The following JAKMIP1 variants were observed in gnomAD, a reference collection of about 807,000 sequenced individuals.
JAKMIP1 encodes the protein janus kinase and microtubule interacting protein 1, also known as janus kinase and microtubule-interacting protein 1.
In JAKMIP1, 33 loss-of-function variants were observed where a neutral mutation model predicts 113.0. The ratio of observed to expected loss-of-function variants is 0.29; its 90% CI spans 0.22 to 0.39. The LOEUF is 0.39. Among genes scored for constraint, JAKMIP1 ranks in the 10% least tolerant of loss-of-function variants. The pLI is 1.00. For missense variants in JAKMIP1, 813 were observed against 1,080.5 expected (o/e 0.75, Z 3.47); for synonymous variants, 480 against 459.9 (o/e 1.04, Z -0.56).
chr4:6,101,125 G>A (rs980967788), intron 3 of JAKMIP1, among the ~76,000 whole-genome samples: 10 of 152,072 alleles, frequency 6.6e-5, no homozygotes, highest in African/African-American at 2.4e-4. Flanking sequence ...TATTTACCAT[G>A]TCCCAAGATC....
In JAKMIP1 at chr4:6,097,577, G is replaced by A. The variant is rs1578221612; in HGVS notation, c.624+7896C>T. On this transcript the variant is annotated intron_variant, in intron 3 of 20. Transcript: ENST00000409021. The surrounding 1 kb of genome is among the most constrained non-coding windows in gnomAD (Gnocchi z 4.3). ...ATTTTCCACTTGTGACTTCATGTTGGCACTCACAGAGTTTCAGATTTTGGA... is the reference window on the plus strand; with the variant it reads ...ATTTTCCACTTGTGACTTCATGTTGACACTCACAGAGTTTCAGATTTTGGA... 6.6e-6 allele frequency among the ~76,000 whole-genome samples: 1 copy of A among 152,296 alleles called. No homozygotes were observed. The highest frequency in any genetic ancestry group is 2.4e-5 in the African/African-American group (1 of 41,556).
At chr4:6,098,324 C>T (rs10022827) in intron 3 of JAKMIP1, among the ~76,000 whole-genome samples, 141,376 of 151,938 alleles carry the variant, frequency 0.93, 66,539 homozygotes, top group East Asian at 1. Flanking sequence ...TCCCAGCTAC[C>T]CGGGAGGCTG....
chr4:6,105,571 C>T lies in JAKMIP1; in HGVS notation c.526G>A (p.Asp176Asn). Residue 176 changes from aspartate to asparagine, a missense_variant, in exon 3 of 21, where the codon GAC becomes AAC. Around this residue, in one of 2 missense-constraint regions of JAKMIP1, gnomAD observed 540 missense variants for 653.9 expected, o/e 0.83. Transcript: ENST00000409021. ...EEALSNCMQADKTKAADLRAA... is the reference protein window; with the variant it reads ...EEALSNCMQANKTKAADLRAA... ...CGCAGGTCGGCTGCCTTGGTCTTGTCAGCCTGCATGCAGTTACTGAGCGCC... is the reference window on the plus strand; with the variant it reads ...CGCAGGTCGGCTGCCTTGGTCTTGTTAGCCTGCATGCAGTTACTGAGCGCC... 1 of 1,601,376 alleles carries T rather than the reference C, an allele frequency of 6.2e-7. No homozygotes were observed. Among genetic ancestry groups the T allele is most frequent in the Non-Finnish European group, 8.5e-7 (1 of 1,174,168 alleles).
In JAKMIP1 at chr4:6,067,505, C is replaced by T. The variant is rs190938720; in HGVS notation, c.1303-2497G>A. 3.2e-4 allele frequency among the ~76,000 whole-genome samples: 48 copies of T among 152,286 alleles called. No homozygotes were observed. The highest frequency in any genetic ancestry group is 1.0e-3 in the African/African-American group (43 of 41,538). Reference sequence around the variant, plus strand: ...CCGACTTCAGGCATCATGGACTCTTCCAACCAGCTCTAGAGAGCAGTGGTA... The same window carrying T: ...CCGACTTCAGGCATCATGGACTCTTTCAACCAGCTCTAGAGAGCAGTGGTA... On this transcript the variant is annotated intron_variant, in intron 8 of 20. Coordinates refer to ENST00000409021, the MANE Select transcript of JAKMIP1 (RefSeq NM_001099433.2). This position sits in a 1 kb window ranked among gnomAD's most constrained non-coding sequence, Gnocchi z 4.6.
chr4:6,190,936 C>T (rs911739864), intron 1 of JAKMIP1, among the ~76,000 whole-genome samples: 12 of 152,328 alleles, frequency 7.9e-5, no homozygotes, highest in South Asian at 2.1e-4. Context: ...AGAGCACAGG[C>T]GGCCTGCACC....
chr4:6,041,971 A>T (rs1714368966), intron 17 of JAKMIP1, among the ~76,000 whole-genome samples, 188 bp downstream of exon 17: 1 of 152,190 alleles, frequency 6.6e-6, no homozygotes, highest in Admixed American at 6.5e-5. Context: ...TATGTATTCG[A>T]TGAGTAATTG....
Position 6,129,314 on chromosome 4 carries a change from C to A in JAKMIP1, c.-147-16317G>T, listed in dbSNP as rs1718186548. On this transcript the variant is annotated intron_variant, in intron 1 of 20. Coordinates refer to ENST00000409021, the MANE Select transcript of JAKMIP1 (RefSeq NM_001099433.2). The surrounding 1 kb of genome is among the most constrained non-coding windows in gnomAD (Gnocchi z 5.4). ...GGTCAGATGCTGGGCGTGGCCCCAC[C>A]CCATGCCAGCCAGGAACCATTGATA... Among the ~76,000 whole-genome samples, 1 of 152,194 alleles carries A rather than the reference C, an allele frequency of 6.6e-6. No homozygotes were observed. The highest frequency in any genetic ancestry group is 2.4e-5 in the African/African-American group (1 of 41,432).
At chr4:6,113,238 CTCCCAGGTGACCACACCTGGAATAGCT>C (rs1487419587) in intron 1 of JAKMIP1, among the ~76,000 whole-genome samples, 1 of 152,230 alleles carries the variant, frequency 6.6e-6, no homozygotes, top group Non-Finnish European at 1.5e-5. Flanking sequence ...CTAGGTGAGG[CTCCCAGGTGACCACACCTGGAATAGCT>C]TCAGTCCATC....
At chr4:6,118,446 G>A (rs1483111872) in intron 1 of JAKMIP1, among the ~76,000 whole-genome samples, 1 of 152,134 alleles carries the variant, frequency 6.6e-6, no homozygotes, top group African/African-American at 2.4e-5. Flanking sequence ...GGGGCATGTG[G>A]TGTCAGAGAT....
At chr4:6,037,562 T>C (rs955787159) in intron 18 of JAKMIP1, among the ~76,000 whole-genome samples, 5 of 144,494 alleles carry the variant, frequency 3.5e-5, no homozygotes, top group Admixed American at 1.4e-4. Context: ...TATCCCTCCA[T>C]CACCGAGGCA....
rs908171478 is a variant in JAKMIP1 at position 6,175,262 on chromosome 4, G to A, written c.-148+24991C>T. On this transcript the variant is annotated intron_variant, in intron 1 of 20. Transcript: ENST00000409021. ...CCCCAAAGTCACAGAACTCCCATGTGATAGAACCGGGACACAAGTAAGTGA... is the reference window on the plus strand; with the variant it reads ...CCCCAAAGTCACAGAACTCCCATGTAATAGAACCGGGACACAAGTAAGTGA... Among the ~76,000 whole-genome samples, 3 of 152,132 alleles carry A rather than the reference G, an allele frequency of 2.0e-5. No homozygotes were observed. In the East Asian group the frequency reaches 5.8e-4, roughly 29 times the overall value.
chr4:6,041,660 A>G (rs1714328237), intron 17 of JAKMIP1, among the ~76,000 whole-genome samples: 1 of 152,124 alleles, frequency 6.6e-6, no homozygotes, highest in Non-Finnish European at 1.5e-5. Context: ...TCATCCCACA[A>G]CCCAGCAAAG....
At chr4:6,121,626 G>A (rs141573202) in intron 1 of JAKMIP1, among the ~76,000 whole-genome samples, 14 of 152,342 alleles carry the variant, frequency 9.2e-5, no homozygotes, top group African/African-American at 1.4e-4. Flanking sequence ...CACAGCAAAC[G>A]TGCAGGAAGT....
At chr4:6,085,262 G>A (rs540391736) in intron 4 of JAKMIP1, among the ~76,000 whole-genome samples, 158 bp downstream of exon 4, 26 of 152,210 alleles carry the variant, frequency 1.7e-4, no homozygotes, top group Admixed American at 7.2e-4. Flanking sequence ...CTCACACAGC[G>A]TCCAGCACAA....
intron 19 of JAKMIP1, among the ~76,000 whole-genome samples, chr4:6,030,076 A>G (rs976178639): frequency 1.3e-5 from 2 of 152,218 alleles, no homozygotes; most frequent in Non-Finnish European, 2.9e-5. Flanking sequence ...GTTTCTGGAA[A>G]TAGAATTACA....
chr4:6,038,136 T>C lies in JAKMIP1; in HGVS notation c.2176-2029A>G, dbSNP rs113571182. Among the ~76,000 whole-genome samples the C allele has an allele frequency of 2.5e-3, 235 of 93,598 alleles. 1 individual carries two copies. Among genetic ancestry groups the C allele is most frequent in the African/African-American group, 7.4e-3 (129 of 17,486 alleles). 61.4% of individuals were successfully genotyped at this position (93,598 alleles called of 152,430 possible). A position where few individuals can be genotyped will look rare whatever the true frequency, so the allele number is the denominator to read the frequency against. On this transcript the variant is annotated intron_variant, in intron 18 of 20. Transcript: ENST00000409021. ...GGTTAACCCAGTAGCCCTCCATCAC[T>C]GAGGCAGAGGCTAACCGGTATCCCT...
At position 6,140,072 on chromosome 4, in the gene JAKMIP1, G is replaced by A. The variant is rs141447584; in HGVS notation, c.-147-27075C>T. On this transcript the variant is annotated intron_variant, in intron 1 of 20. Transcript: ENST00000409021. This position sits in a 1 kb window ranked among gnomAD's most constrained non-coding sequence, Gnocchi z 9.4. ...CCATGGTACAGCGGCCCTAGGAAAC[G>A]AATATATTTATTAGATGGATTGAGA... Among the ~76,000 whole-genome samples, 56 of 152,178 alleles carry A rather than the reference G, an allele frequency of 3.7e-4. 1 individual carries two copies. In the East Asian group the frequency reaches 9.9e-3, roughly 27 times the overall value.
intron 3 of JAKMIP1, among the ~76,000 whole-genome samples, chr4:6,096,192 C>A (rs1279005285): frequency 2.0e-5 from 3 of 152,200 alleles, no homozygotes; most frequent in South Asian, 4.1e-4. Flanking sequence ...TTAAATTACA[C>A]CCTACCTTTA....
At chr4:6,078,391 G>A (rs1719993051) in intron 8 of JAKMIP1, among the ~76,000 whole-genome samples, 1 of 145,790 alleles carries the variant, frequency 6.9e-6, no homozygotes, top group Non-Finnish European at 1.5e-5. Context: ...CAGGTTTAAA[G>A]GCAAACTATG....
Sources: gnomAD v4.1 joint callset for allele counts (sites outside exome capture counted in the v4.1 genomes callset) on GRCh38, gnomAD v4.1.1 for gene constraint, gnomAD v4.1.1 regional missense constraint, Gnocchi (gnomAD v3.1) non-coding constraint, MANE v1.5 for transcripts, NCBI Gene and HGNC (gene_info 2026-07-23, HGNC 2026-07-21) for gene names.